EXD3: variants seen among roughly 807,000 people sequenced by gnomAD.
The protein encoded by EXD3 is exonuclease mut-7 homolog.
A neutral mutation model predicts 98.0 loss-of-function variants in EXD3; 92 were observed. That is an observed-to-expected ratio of 0.94 (90% CI 0.79 to 1.12). EXD3 has a LOEUF of 1.12. EXD3 is among the 50% of genes most tolerant of loss of function. The pLI is 0.00. For synonymous variants in EXD3, 569 were observed against 526.0 expected (o/e 1.08, Z -1.12); for missense variants, 1,222 against 1,191.6 (o/e 1.03, Z -0.38).
In EXD3 at chr9:137,407,079, A is replaced by C. The variant is rs1181795130; in HGVS notation, c.-47-11675T>G. Among the ~76,000 whole-genome samples the C allele has an allele frequency of 6.6e-6, 1 of 152,078 alleles. No individual in the cohort carries two copies. The highest frequency in any genetic ancestry group is 1.5e-5 in the Non-Finnish European group (1 of 67,992). On this transcript the variant is annotated intron_variant, in intron 1 of 21. Transcript: ENST00000340951. The surrounding 1 kb of genome is among the most constrained non-coding windows in gnomAD (Gnocchi z 4.4). ...ACCCGCCCGTTCACAGAGGCACCGG[A>C]GCGGGCGGGCGGGGGCGGCCTGCGG...
In EXD3 at chr9:137,334,363, T is replaced by C. The variant is rs766630813; in HGVS notation, c.1999-10220A>G. ...ATACAGTATAGTTACCAAAACAGCA[T>C]AGTACTGGTATAAAAGTAGATACAT... On this transcript the variant is annotated intron_variant, in intron 17 of 21. Coordinates refer to ENST00000340951, the MANE Select transcript of EXD3 (RefSeq NM_017820.5). Among the ~76,000 whole-genome samples the C allele has an allele frequency of 4.5e-4, 68 of 152,172 alleles. 2 individuals are homozygous for C. Among genetic ancestry groups the C allele is most frequent in the Middle Eastern group, 3.2e-3 (1 of 316 alleles).
In EXD3 at chr9:137,354,760, G is replaced by A. The variant is rs747426632; in HGVS notation, c.771C>T (p.Asn257=). 9.9e-6 allele frequency: 16 copies of A among 1,610,014 alleles called. No individual in the cohort carries two copies. Among genetic ancestry groups the A allele is most frequent in the Middle Eastern group, 1.7e-4 (1 of 5,974 alleles). The change falls in exon 9 of 22, where the codon AAC becomes AAT. Residue 257 remains asparagine (N), a synonymous_variant. Transcript: ENST00000340951. ...CCGCCAGGCGCTGCTGAATGGCCGC[G>A]TTGGGACACAGCGCTGAAAGGAAAG... ...RYGVAPALCP[N]AAIQQRLAAL...
At chr9:137,345,629 T>C (rs991014371) in intron 17 of EXD3, 1 of 139,356 alleles carries the variant, frequency 7.2e-6, no homozygotes, top group African/African-American at 2.6e-5. Context: ...ACCACTGCAC[T>C]CCAGCCTGGG....
intron 10 of EXD3, chr9:137,354,047 C>A: frequency 8.3e-7 from 1 of 1,205,284 alleles, no homozygotes; most frequent in African/African-American, 1.6e-5. Context: ...TCAGCCCCCA[C>A]CCGGCCCCAC....
At chr9:137,400,405 A>T (rs1431861199) in intron 1 of EXD3, among the ~76,000 whole-genome samples, 1 of 152,218 alleles carries the variant, frequency 6.6e-6, no homozygotes, top group Non-Finnish European at 1.5e-5. Flanking sequence ...TCCGCCTATG[A>T]GCCTGTAAAA....
At chr9:137,380,326 TGCCAGTATCCCC>T (rs1836171172) in intron 3 of EXD3, among the ~76,000 whole-genome samples, 1 of 5,020 alleles carries the variant, frequency 2.0e-4, no homozygotes, top group Non-Finnish European at 4.2e-4. Flanking sequence ...CCAATCCCCC[TGCCAGTATCCCC>T]CCCCACCCCA....
At chr9:137,329,783 GGGACTACAC>G (rs1832864939) in intron 17 of EXD3, among the ~76,000 whole-genome samples, 1 of 31,368 alleles carries the variant, frequency 3.2e-5, no homozygotes, top group Non-Finnish European at 6.8e-5. Context: ...GGGACTACAC[GGGACTACAC>G]GGGACTACAC....
intron 1 of EXD3, among the ~76,000 whole-genome samples, chr9:137,402,977 C>G (rs1048039047): frequency 2.0e-5 from 3 of 152,086 alleles, no homozygotes; most frequent in African/African-American, 7.2e-5. Flanking sequence ...TGGGAAAGAC[C>G]GGCCCCAGGA....
At chr9:137,348,913 C>T (rs534952726) in intron 16 of EXD3, among the ~76,000 whole-genome samples, 197 bp downstream of exon 16, 134 of 152,028 alleles carry the variant, frequency 8.8e-4, no homozygotes, top group African/African-American at 3.1e-3. Flanking sequence ...TGAGCAGTGA[C>T]CCCCCAGGCA....
intron 5 of EXD3, among the ~76,000 whole-genome samples, chr9:137,372,623 G>A (rs556187573): frequency 6.6e-6 from 1 of 152,352 alleles, no homozygotes; most frequent in African/African-American, 2.4e-5. Context: ...GTGAGTGTGA[G>A]GGCCCAGTGC....
chr9:137,351,024 C>T lies in EXD3; in HGVS notation c.1494+14G>A, dbSNP rs1346714005. 1 of 1,551,016 alleles carries T rather than the reference C, an allele frequency of 6.4e-7. No individual in the cohort carries two copies. Among genetic ancestry groups the T allele is most frequent in the Admixed American group, 2.0e-5 (1 of 51,180 alleles). On this transcript the variant is annotated intron_variant, in intron 14 of 21. Transcript: ENST00000340951. ...CCCACCCGGCATCTTGTGAGCGGCT[C>T]AGTGGGTGCCCACCTGTCTGTGCAC...
rs1425125975 is a variant in EXD3, at chr9:137,372,991, C to G, written c.376G>C (p.Ala126Pro). ...GCATCCTGCAGCTGGAAGATGCTGG[C>G]CAGTGGTGCCGCAAGGCTGGGGGGG... is the stretch of plus-strand genomic sequence containing the variant. ...ESPPSLAAPL[A>P]SIFQLQDADR... The change falls in exon 5 of 22, where the codon GCC becomes CCC. Residue 126 changes from alanine to proline, a missense_variant. Transcript: ENST00000340951. 5 of 1,604,768 alleles carry G rather than the reference C, an allele frequency of 3.1e-6. No individual in the cohort carries two copies. Among genetic ancestry groups the G allele is most frequent in the East Asian group, 4.5e-5 (2 of 44,872 alleles).
chr9:137,341,041 C>T (rs1833626635), intron 17 of EXD3, among the ~76,000 whole-genome samples: 1 of 152,202 alleles, frequency 6.6e-6, no homozygotes. Context: ...CCAAGCTGGG[C>T]AGGGTGGCTC....
At chr9:137,392,384 G>C (rs1836966391) in intron 2 of EXD3, 1 of 161,656 alleles carries the variant, frequency 6.2e-6, no homozygotes. Flanking sequence ...ACCCAGGCCT[G>C]GCTGTCGGGG....
At chr9:137,312,912 C>A (rs188999157) in intron 19 of EXD3, among the ~76,000 whole-genome samples, 1 of 152,306 alleles carries the variant, frequency 6.6e-6, no homozygotes, top group Admixed American at 6.5e-5. Context: ...CTGGTGCCCA[C>A]CTGACCTGGT....
At chr9:137,409,102 G>A (rs1302011375) in intron 1 of EXD3, among the ~76,000 whole-genome samples, 1 of 152,216 alleles carries the variant, frequency 6.6e-6, no homozygotes, top group African/African-American at 2.4e-5. Context: ...CGTGCCCGGG[G>A]GGTGAGGATC....
In EXD3 at chr9:137,361,740, T is replaced by C. The variant is rs1237991366; in HGVS notation, c.656+4753A>G. Reference sequence around the variant, plus strand: ...TAGCCTGGGCGACAGGGCGAGACTCTGTCTTAAAAAAAAAAAAAAAAAAAT... The same window carrying C: ...TAGCCTGGGCGACAGGGCGAGACTCCGTCTTAAAAAAAAAAAAAAAAAAAT... On this transcript the variant is annotated intron_variant, in intron 7 of 21. Coordinates refer to ENST00000340951, the MANE Select transcript of EXD3 (RefSeq NM_017820.5). 5.3e-5 allele frequency among the ~76,000 whole-genome samples: 4 copies of C among 75,168 alleles called. No individual in the cohort carries two copies. The East Asian group carries it at 2.8e-3, about 53-fold the overall frequency. The allele number at this position is 75,168 out of a possible 152,430, so 49.3% of individuals were successfully genotyped here. A position where few individuals can be genotyped will look rare whatever the true frequency, so the allele number is the denominator to read the frequency against.
chr9:137,308,526 G>T (rs1831177347), intron 20 of EXD3, among the ~76,000 whole-genome samples: 1 of 152,106 alleles, frequency 6.6e-6, no homozygotes, highest in Non-Finnish European at 1.5e-5. Context: ...TGCGAGCGGG[G>T]GACCTGAGGT....
chr9:137,384,657 C>T (rs764054789), intron 2 of EXD3, among the ~76,000 whole-genome samples: 7 of 152,236 alleles, frequency 4.6e-5, no homozygotes, highest in East Asian at 3.8e-4. Context: ...ATCAAAACTA[C>T]GCCGTTAGAA....
Sources: allele counts gnomAD v4.1 joint callset (sites outside exome capture counted in the v4.1 genomes callset), GRCh38; gene constraint gnomAD v4.1.1; non-coding constraint Gnocchi (gnomAD v3.1); transcripts MANE v1.5; gene names NCBI Gene and HGNC (gene_info 2026-07-23, HGNC 2026-07-21).